AGBL1: variants seen among roughly 807,000 people sequenced by gnomAD.
AGBL1 encodes the protein cytosolic carboxypeptidase 4.
In AGBL1, 130 loss-of-function variants were observed where a neutral mutation model predicts 118.9. The ratio of observed to expected loss-of-function variants is 1.09; its 90% CI spans 0.95 to 1.26. The LOEUF (loss-of-function observed/expected upper bound fraction) is 1.26, where lower values mean the gene tolerates loss of function less well. AGBL1 is among the 50% of genes most tolerant of loss of function. AGBL1 has a pLI of 0.00. For synonymous variants in AGBL1, 555 were observed against 478.9 expected (o/e 1.16, Z -2.08); for missense variants, 1,584 against 1,298.1 (o/e 1.22, Z -3.38).
chr15:86,090,789 T>C (rs1445544517), intron 1 of AGBL1, among the ~76,000 whole-genome samples: 1 of 152,228 alleles, frequency 6.6e-6, no homozygotes, highest in Non-Finnish European at 1.5e-5. Context: ...CTCTTATACT[T>C]AATGATGTTT....
At chr15:86,322,822 C>T (rs1239162627) in intron 17 of AGBL1, among the ~76,000 whole-genome samples, 1 of 152,190 alleles carries the variant, frequency 6.6e-6, no homozygotes, top group Non-Finnish European at 1.5e-5. Flanking sequence ...TACATGGATA[C>T]TTTCCCAGAG....
At chr15:86,331,087 G>A (rs2080260814) in intron 17 of AGBL1, among the ~76,000 whole-genome samples, 2 of 151,952 alleles carry the variant, frequency 1.3e-5, no homozygotes, top group Admixed American at 1.3e-4. Context: ...AGCCAGGCAT[G>A]GTGGTGTGCA....
At chr15:86,208,598 T>C (rs2078035806) in intron 5 of AGBL1, among the ~76,000 whole-genome samples, 1 of 152,198 alleles carries the variant, frequency 6.6e-6, no homozygotes, top group South Asian at 2.1e-4. Flanking sequence ...TTTTCTAGTT[T>C]ATTTGTGTAG....
intron 6 of AGBL1, among the ~76,000 whole-genome samples, chr15:86,226,222 G>A (rs1338468842): frequency 6.6e-6 from 1 of 152,114 alleles, no homozygotes. Context: ...ACTTGCTTCA[G>A]GTTTGGCATC....
chr15:86,722,112 C>T (rs1245581255), intron 22 of AGBL1, among the ~76,000 whole-genome samples: 12 of 152,116 alleles, frequency 7.9e-5, no homozygotes, highest in Non-Finnish European at 1.5e-4. Context: ...ATGCCATCCC[C>T]ATCAAGCTAC....
intron 1 of AGBL1, among the ~76,000 whole-genome samples, chr15:86,104,032 C>T (rs186103474): frequency 1.8e-4 from 28 of 152,286 alleles, no homozygotes; most frequent in Non-Finnish European, 3.1e-4. Context: ...TCTTGAGGCA[C>T]ACAGGTGGTG....
intron 22 of AGBL1, among the ~76,000 whole-genome samples, chr15:86,797,993 A>G (rs1343886654): frequency 1.3e-5 from 2 of 152,232 alleles, no homozygotes; most frequent in Non-Finnish European, 2.9e-5. Context: ...TTGGAGGTTC[A>G]TGCAGCTAAA....
chr15:86,086,733 T>C (rs918568049), intron 1 of AGBL1, among the ~76,000 whole-genome samples: 1 of 152,196 alleles, frequency 6.6e-6, no homozygotes, highest in Non-Finnish European at 1.5e-5. Context: ...GCAAATAAGT[T>C]GCTTAAATTT....
At chr15:86,542,512 G>A (rs1468479133) in intron 19 of AGBL1, among the ~76,000 whole-genome samples, 9 of 151,636 alleles carry the variant, frequency 5.9e-5, no homozygotes, top group Non-Finnish European at 7.4e-5. Context: ...GATTACAGGC[G>A]CATGCCACCA....
chr15:86,139,086 C>T (rs2076927150), intron 1 of AGBL1, among the ~76,000 whole-genome samples: 1 of 152,130 alleles, frequency 6.6e-6, no homozygotes, highest in Admixed American at 6.5e-5. Flanking sequence ...ATGGTGTGGA[C>T]TTGGAGTTTC....
intron 23 of AGBL1, among the ~76,000 whole-genome samples, chr15:86,950,931 AG>A (rs1292184116): frequency 6.6e-6 from 1 of 152,206 alleles, no homozygotes; most frequent in Non-Finnish European, 1.5e-5. Flanking sequence ...ATATGAAACA[AG>A]GCTGAGAGTA....
intron 22 of AGBL1, among the ~76,000 whole-genome samples, chr15:86,716,263 G>T (rs2086637107): frequency 1.3e-5 from 2 of 152,036 alleles, no homozygotes; most frequent in Non-Finnish European, 2.9e-5. Flanking sequence ...TTACAGTGAA[G>T]GTGACTGCTA....
At chr15:86,281,095 T>C (rs1389972395) in intron 16 of AGBL1, among the ~76,000 whole-genome samples, 1 of 152,196 alleles carries the variant, frequency 6.6e-6, no homozygotes, top group Non-Finnish European at 1.5e-5. Flanking sequence ...ATGAAAAGTC[T>C]ACTGTGGGCT....
At position 86,270,150 on chromosome 15, in the gene AGBL1, C is replaced by G. The variant is rs917299033; in HGVS notation, c.1987+83C>G. On this transcript the variant is annotated intron_variant, in intron 14 of 22. Coordinates refer to ENST00000614907, the MANE Select transcript of AGBL1 (RefSeq NM_001386094.1). ...ACTGTTTGGATTCAAAGAGCCTTTGCTTGGGTTCAGAGGGTTTGAAGTTGG... is the reference window on the plus strand; with the variant it reads ...ACTGTTTGGATTCAAAGAGCCTTTGGTTGGGTTCAGAGGGTTTGAAGTTGG... The G allele has an allele frequency of 4.0e-6, 6 of 1,508,430 alleles. No individual in the cohort carries two copies. In the African/African-American group the frequency reaches 8.3e-5, roughly 21 times the overall value. 93.4% of individuals were successfully genotyped at this position (1,508,430 alleles called of 1,614,324 possible).
chr15:86,196,861 GCACATGTGCGCGCGCGCGCA>G (rs1239289884), intron 5 of AGBL1, among the ~76,000 whole-genome samples: 2,577 of 108,920 alleles, frequency 0.024, 83 homozygotes, highest in Admixed American at 0.083. Flanking sequence ...ATGCGAATGT[GCACATGTGCGCGCGCGCGCA>G]CACACACACA....
chr15:86,877,968 G>A (rs2079835490), intron 22 of AGBL1, among the ~76,000 whole-genome samples: 1 of 152,164 alleles, frequency 6.6e-6, no homozygotes, highest in Non-Finnish European at 1.5e-5. Flanking sequence ...GGATAACCCA[G>A]CCTCCACATC....
chr15:86,122,033 C>T (rs1031314323), intron 1 of AGBL1, among the ~76,000 whole-genome samples: 1 of 152,094 alleles, frequency 6.6e-6, no homozygotes, highest in Non-Finnish European at 1.5e-5. Flanking sequence ...AAATTACAGC[C>T]CATCATACCT....
At chr15:86,394,420 CT>C (rs2081333768) in intron 17 of AGBL1, among the ~76,000 whole-genome samples, 1 of 152,144 alleles carries the variant, frequency 6.6e-6, no homozygotes, top group Non-Finnish European at 1.5e-5. Flanking sequence ...CTATTTCACT[CT>C]TTTCTCCACA....
intron 24 of AGBL1, among the ~76,000 whole-genome samples, chr15:87,014,997 T>C (rs2081595880): frequency 6.6e-6 from 1 of 152,116 alleles, no homozygotes; most frequent in Non-Finnish European, 1.5e-5. Flanking sequence ...AAGATTGCGC[T>C]CAATGTGAAT....
Sources: allele counts gnomAD v4.1 joint callset (sites outside exome capture counted in the v4.1 genomes callset), GRCh38; gene constraint gnomAD v4.1.1; transcripts MANE v1.5; gene names NCBI Gene and HGNC (gene_info 2026-07-23, HGNC 2026-07-21).